The following PAK5 variants were observed in gnomAD, a reference collection of about 807,000 sequenced individuals.
PAK5 encodes the protein p21 (RAC1) activated kinase 5.
Under a neutral mutation model 65.9 loss-of-function variants are expected in PAK5, and 16 were observed. That is an observed-to-expected ratio of 0.24 (90% CI 0.16 to 0.37). The LOEUF is 0.37. Among genes scored for constraint, PAK5 ranks in the 10% least tolerant of loss-of-function variants. The pLI, the probability that PAK5 is intolerant of heterozygous loss-of-function variation, is 1.00. For synonymous variants in PAK5, 371 were observed against 354.9 expected (o/e 1.05, Z -0.51); for missense variants, 785 against 903.9 (o/e 0.87, Z 1.69).
intron 3 of PAK5, among the ~76,000 whole-genome samples, chr20:9,587,100 C>G (rs113332827): frequency 8.5e-4 from 129 of 152,096 alleles, no homozygotes; most frequent in Middle Eastern, 3.4e-3. Flanking sequence ...ATACAAAGTA[C>G]TTATAAGTGC....
intron 3 of PAK5, among the ~76,000 whole-genome samples, chr20:9,583,907 G>A (rs1295179188): frequency 1.3e-5 from 2 of 152,134 alleles, no homozygotes; most frequent in African/African-American, 4.8e-5. Flanking sequence ...TTCTTTCACT[G>A]AGCATAATAT....
intron 2 of PAK5, among the ~76,000 whole-genome samples, chr20:9,694,910 A>T (rs1287275532): frequency 1.3e-5 from 2 of 152,072 alleles, no homozygotes; most frequent in Non-Finnish European, 1.5e-5. Context: ...GGGTATATAC[A>T]TACCTAAGAG....
chr20:9,805,071 A>C (rs550197450), intron 1 of PAK5, among the ~76,000 whole-genome samples: 1 of 152,344 alleles, frequency 6.6e-6, no homozygotes, highest in East Asian at 1.9e-4. Context: ...ACAGAATGTG[A>C]ATAGACATAT....
intron 1 of PAK5, among the ~76,000 whole-genome samples, chr20:9,837,920 A>T (rs1455393730): frequency 6.6e-6 from 1 of 152,178 alleles, no homozygotes; most frequent in Non-Finnish European, 1.5e-5. Flanking sequence ...GGTTCCCTTA[A>T]TTGATATCTA....
At chr20:9,743,349 G>A (rs1398482503) in intron 1 of PAK5, among the ~76,000 whole-genome samples, 1 of 151,198 alleles carries the variant, frequency 6.6e-6, no homozygotes, top group African/African-American at 2.4e-5. Context: ...CAGCATGGGT[G>A]ACAGATAGAG....
rs2122995007 is a variant in PAK5 at position 9,566,051 on chromosome 20, G to T, written c.1324C>A (p.Pro442Thr). Reference sequence around the variant, plus strand: ...GCCAAGTATTCCCTGGGGTCTCCTGGGCTGACCACCAGCTGCAGGGCCGCC... The same window carrying T: ...GCCAAGTATTCCCTGGGGTCTCCTGTGCTGACCACCAGCTGCAGGGCCGCC... ...FRAALQLVVS[P>T]GDPREYLANF... Residue 442 changes from proline (P) to threonine (T), a missense_variant, in exon 5 of 10, where the codon CCA (proline) becomes ACA (threonine). Coordinates refer to ENST00000353224, the MANE Select transcript of PAK5 (RefSeq NM_177990.4). 6.2e-7 allele frequency: 1 copy of T among 1,613,864 alleles called. No homozygotes were observed. Among genetic ancestry groups the T allele is most frequent in the East Asian group, 2.2e-5 (1 of 44,832 alleles).
intron 1 of PAK5, among the ~76,000 whole-genome samples, chr20:9,802,053 G>A (rs6087031): frequency 2.0e-5 from 3 of 152,128 alleles, no homozygotes; most frequent in African/African-American, 4.8e-5. Flanking sequence ...ATGCTTCTTA[G>A]GACAGTCAGT....
intron 2 of PAK5, among the ~76,000 whole-genome samples, chr20:9,693,051 T>C (rs1047516512): frequency 1.3e-5 from 2 of 152,180 alleles, no homozygotes; most frequent in Admixed American, 6.6e-5. Flanking sequence ...AATATTATAA[T>C]ATATTTCCAC....
At chr20:9,798,277 C>T (rs370621117) in intron 1 of PAK5, among the ~76,000 whole-genome samples, 3 of 152,024 alleles carry the variant, frequency 2.0e-5, no homozygotes, top group East Asian at 1.9e-4. Context: ...ATAGCTATTG[C>T]TACGTGTGTA....
intron 1 of PAK5, among the ~76,000 whole-genome samples, chr20:9,722,319 T>C (rs2048224712): frequency 6.6e-6 from 1 of 151,412 alleles, no homozygotes; most frequent in Non-Finnish European, 1.5e-5. Flanking sequence ...GAGAAAAGAG[T>C]GGTATAAAAA....
At chr20:9,692,860 A>G (rs1288606544) in intron 2 of PAK5, among the ~76,000 whole-genome samples, 2 of 152,138 alleles carry the variant, frequency 1.3e-5, no homozygotes, top group East Asian at 3.8e-4. Flanking sequence ...TTCCATCTCC[A>G]GTTTCTTCAT....
chr20:9,551,358 C>A (rs117272664), intron 7 of PAK5, among the ~76,000 whole-genome samples: 1 of 152,050 alleles, frequency 6.6e-6, no homozygotes, highest in Non-Finnish European at 1.5e-5. Flanking sequence ...GTATGTTGTC[C>A]GCCCCCTAAA....
At chr20:9,664,707 C>T (rs539006669) in intron 2 of PAK5, among the ~76,000 whole-genome samples, 40 of 152,216 alleles carry the variant, frequency 2.6e-4, no homozygotes, top group African/African-American at 9.6e-4. Flanking sequence ...AGGCAATATT[C>T]ATGCTTGGAT....
chr20:9,789,596 C>T (rs184896443), intron 1 of PAK5, among the ~76,000 whole-genome samples: 64 of 152,222 alleles, frequency 4.2e-4, no homozygotes, highest in Non-Finnish European at 6.6e-4. Context: ...ACAAGCTAGA[C>T]CTATTTCAGA....
chr20:9,538,251 G>A lies in PAK5; in HGVS notation c.*1211C>T, dbSNP rs2122868091. 1 of 233,624 alleles carries A rather than the reference G, an allele frequency of 4.3e-6. No individual in the cohort carries two copies. Among genetic ancestry groups the A allele is most frequent in the Admixed American group, 5.6e-5 (1 of 17,790 alleles). The allele number at this position is 233,624 out of a possible 1,614,324, so 14.5% of individuals were successfully genotyped here. On this transcript the variant is annotated 3_prime_UTR_variant, in exon 10 of 10. Coordinates refer to ENST00000353224, the MANE Select transcript of PAK5 (RefSeq NM_177990.4). ...ATGTCGGAAACACATTATAACATGG[G>A]CACAACTGAAGTCAGATCATACCTG...
At chr20:9,702,810 A>G (rs2047956721) in intron 2 of PAK5, among the ~76,000 whole-genome samples, 1 of 152,224 alleles carries the variant, frequency 6.6e-6, no homozygotes, top group African/African-American at 2.4e-5. Context: ...AGGCCACCTG[A>G]CCTCTAACAC....
intron 3 of PAK5, among the ~76,000 whole-genome samples, chr20:9,582,657 G>A (rs1390288159): frequency 6.6e-6 from 1 of 152,074 alleles, no homozygotes; most frequent in Admixed American, 6.6e-5. Context: ...AAGGGTCAGG[G>A]ATTTAAGCTT....
At chr20:9,743,421 A>AAAACAAAAC (rs1374109662) in intron 1 of PAK5, among the ~76,000 whole-genome samples, 3 of 151,274 alleles carry the variant, frequency 2.0e-5, no homozygotes, top group Admixed American at 1.3e-4. Context: ...AAAACAAAAC[A>AAAACAAAAC]AAACAAACAA....
At chr20:9,798,676 C>T (rs191307633) in intron 1 of PAK5, among the ~76,000 whole-genome samples, 2 of 152,140 alleles carry the variant, frequency 1.3e-5, no homozygotes, top group Non-Finnish European at 2.9e-5. Flanking sequence ...CTAGAATTTC[C>T]AGGTAGTGTT....
Sources: allele counts gnomAD v4.1 joint callset (sites outside exome capture counted in the v4.1 genomes callset), GRCh38; gene constraint gnomAD v4.1.1; transcripts MANE v1.5; gene names NCBI Gene and HGNC (gene_info 2026-07-23, HGNC 2026-07-21).